Variants in MEGF11 observed in about 807,000 individuals in gnomAD.
MEGF11 encodes the protein multiple EGF like domains 11.
A neutral mutation model predicts 146.6 loss-of-function variants in MEGF11; 126 were observed. That is an observed-to-expected ratio of 0.86 (90% confidence interval 0.74 to 1.00). The LOEUF is 1.00. MEGF11 is among the 50% of genes least tolerant of loss of function. The probability of loss-of-function intolerance (pLI) is 0.00; values close to 1 mark genes in which losing one functional copy is unlikely to be tolerated. For synonymous variants in MEGF11, 532 were observed against 583.4 expected, an observed-to-expected ratio of 0.91 and a Z score of 1.27; for missense variants, 1,509 against 1,521.2, an observed-to-expected ratio of 0.99 and a Z score of 0.13.
At chr15:66,148,882 C>T (rs1201316397) in intron 1 of MEGF11, among the ~76,000 whole-genome samples, 2 of 152,208 alleles carry the variant, frequency 1.3e-5, no homozygotes, top group African/African-American at 4.8e-5. Context: ...CCTAGGGTCC[C>T]CCAAATGGCT....
chr15:65,955,771 T>TATATATAG (rs1555455808), intron 10 of MEGF11, among the ~76,000 whole-genome samples: 14 of 6,786 alleles, frequency 2.1e-3, no homozygotes, highest in East Asian at 0.014. Flanking sequence ...AATATATATA[T>TATATATAG]ATATATATAT....
At chr15:65,922,066 G>C in intron 15 of MEGF11, 1 of 490,854 alleles carries the variant, frequency 2.0e-6, no homozygotes, top group Non-Finnish European at 3.7e-6. Context: ...CATCCCTTCA[G>C]CATGCATGTC....
chr15:66,081,495 T>C (rs562336768), intron 5 of MEGF11, among the ~76,000 whole-genome samples: 2 of 152,260 alleles, frequency 1.3e-5, no homozygotes, highest in Admixed American at 6.5e-5. Flanking sequence ...TCTCCTGCCT[T>C]AGCCTTCCAA....
chr15:66,217,536 TTG>T (rs1275171416), intron 1 of MEGF11, among the ~76,000 whole-genome samples: 1 of 152,216 alleles, frequency 6.6e-6, no homozygotes, highest in Non-Finnish European at 1.5e-5. Context: ...GGGACTTTCT[TTG>T]TAGAGGTGGC....
chr15:65,990,617 AAGAAAAGAAAAAAAG>A (rs1431764920), intron 5 of MEGF11, among the ~76,000 whole-genome samples: 2 of 135,790 alleles, frequency 1.5e-5, no homozygotes, highest in East Asian at 6.2e-4. Context: ...AAAGAAAAAA[AAGAAAAGAAAAAAAG>A]AGAAAGGAAA....
intron 5 of MEGF11, among the ~76,000 whole-genome samples, chr15:66,088,132 T>G (rs899085742): frequency 6.6e-6 from 1 of 152,146 alleles, no homozygotes; most frequent in East Asian, 1.9e-4. Context: ...TCAGGAAGAA[T>G]TAGATACCCT....
chr15:66,055,548 G>A (rs535876700), intron 5 of MEGF11, among the ~76,000 whole-genome samples: 3 of 152,284 alleles, frequency 2.0e-5, no homozygotes, highest in African/African-American at 7.2e-5. Context: ...CAGCCTCTTT[G>A]GTTCTATGTA....
intron 2 of MEGF11, 106 bp from the exon 3 acceptor site, chr15:66,124,106 A>G: frequency 1.1e-6 from 1 of 873,706 alleles, no homozygotes; most frequent in Admixed American, 2.0e-5. Context: ...CTCCACAGCC[A>G]AGTGTCCGGA....
intron 4 of MEGF11, among the ~76,000 whole-genome samples, chr15:66,096,267 C>T (rs1342621168): frequency 3.3e-5 from 5 of 152,244 alleles, no homozygotes; most frequent in East Asian, 1.9e-4. Context: ...GAGAGCAGGA[C>T]CTTGATCCCT....
intron 5 of MEGF11, among the ~76,000 whole-genome samples, chr15:66,088,747 C>A (rs1363141926): frequency 6.6e-6 from 1 of 151,570 alleles, no homozygotes; most frequent in Admixed American, 6.6e-5. Flanking sequence ...CAGAAAGGGA[C>A]AAATACTGTA....
intron 19 of MEGF11, among the ~76,000 whole-genome samples, chr15:65,914,664 G>A (rs2078931942): frequency 6.6e-6 from 1 of 152,178 alleles, no homozygotes; most frequent in Non-Finnish European, 1.5e-5. Context: ...TTGACTGTTG[G>A]CTGCTGGCTG....
intron 5 of MEGF11, among the ~76,000 whole-genome samples, chr15:66,082,458 AAAAAAAAAATCTATCTATCTATCTATCT>A (rs2085907570): frequency 1.0e-5 from 1 of 99,782 alleles, no homozygotes; most frequent in Non-Finnish European, 2.0e-5. Flanking sequence ...AAAAAAAAAA[AAAAAAAAAATCTATCTATCTATCTATCT>A]ATCTATCTAT....
chr15:65,956,355 G>A (rs1464391792), intron 10 of MEGF11, among the ~76,000 whole-genome samples: 2 of 152,204 alleles, frequency 1.3e-5, no homozygotes, highest in Non-Finnish European at 2.9e-5. Flanking sequence ...GACCACAGGT[G>A]CTTAGAAAAT....
intron 1 of MEGF11, among the ~76,000 whole-genome samples, chr15:66,129,764 A>G (rs1223753621): frequency 6.6e-6 from 1 of 152,190 alleles, no homozygotes; most frequent in African/African-American, 2.4e-5. Flanking sequence ...TCGCTCCACA[A>G]TGATTTCCTT....
chr15:65,909,204 G>T, intron 22 of MEGF11, 69 bp from the exon 23 acceptor site: 2 of 1,144,896 alleles, frequency 1.7e-6, no homozygotes, highest in Non-Finnish European at 1.3e-6. Flanking sequence ...AAGGGGGTAG[G>T]AAGTACACAA....
chr15:66,027,295 A>T (rs558606), intron 5 of MEGF11, among the ~76,000 whole-genome samples: 100,418 of 152,152 alleles, frequency 0.66, 34,280 homozygotes, highest in Non-Finnish European at 0.75. Context: ...TAGGGTTCCC[A>T]GTAGCTCTTG....
At chr15:66,103,803 A>G (rs1305296155) in intron 4 of MEGF11, among the ~76,000 whole-genome samples, 1 of 152,240 alleles carries the variant, frequency 6.6e-6, no homozygotes, top group East Asian at 1.9e-4. Context: ...AGTGCAAGGC[A>G]GGGCTGCAAC....
At chr15:66,044,116 C>G (rs766278880) in intron 5 of MEGF11, among the ~76,000 whole-genome samples, 32 of 152,126 alleles carry the variant, frequency 2.1e-4, no homozygotes, top group Admixed American at 7.9e-4. Context: ...GAGGAAACCT[C>G]GACCCTTGGG....
rs551411956 is a variant in MEGF11 at position 66,000,555 on chromosome 15, C to T, written c.395-18067G>A. Among the ~76,000 whole-genome samples the T allele has an allele frequency of 2.4e-3, 370 of 151,734 alleles. 1 individual carries two copies. The highest frequency in any genetic ancestry group is 0.014 in the Middle Eastern group (4 of 294). ...CTTTGAAAAAAAAAAAGCAAAAGCA[C>T]CAGCTTCAGGGCCCAAGTCTGTTTT... On this transcript the variant is annotated intron_variant, in intron 5 of 25. Transcript: ENST00000395614.
Sources: gnomAD v4.1 joint callset for allele counts (sites outside exome capture counted in the v4.1 genomes callset) on GRCh38, gnomAD v4.1.1 for gene constraint, MANE v1.5 for transcripts, NCBI Gene and HGNC (gene_info 2026-07-23, HGNC 2026-07-21) for gene names.